The following RIPK1 variants were observed in gnomAD, a reference collection of about 807,000 sequenced individuals.
RIPK1 encodes receptor-interacting serine/threonine-protein kinase 1.
Under a neutral mutation model 62.4 loss-of-function variants are expected in RIPK1, and 27 were observed. That is an observed-to-expected ratio of 0.43 (90% CI 0.32 to 0.60). The LOEUF is 0.60. Ranked by LOEUF, RIPK1 falls within the 20% of genes least tolerant of loss-of-function variation. The pLI, the probability that RIPK1 is intolerant of heterozygous loss-of-function variation, is 0.07. For missense variants in RIPK1, 735 were observed against 831.0 expected (o/e 0.88, Z 1.42); for synonymous variants, 287 against 303.2 (o/e 0.95, Z 0.55).
At chr6:3,108,781 C>T (rs1406311395) in intron 9 of RIPK1, among the ~76,000 whole-genome samples, 1 of 152,108 alleles carries the variant, frequency 6.6e-6, no homozygotes, top group African/African-American at 2.4e-5. Flanking sequence ...TCACGAACAC[C>T]CTGAATTGCA....
Position 3,098,494 on chromosome 6 carries a change from G to A in RIPK1, c.916-5731G>A, listed in dbSNP as rs921859841. 4.6e-5 allele frequency among the ~76,000 whole-genome samples: 7 copies of A among 152,202 alleles called. No individual in the cohort carries two copies. In the East Asian group the frequency reaches 1.3e-3, roughly 29 times the overall value. ...AACATGAAATAAATCCAAATAAACA[G>A]TGAAATGTGTTTATGGATGGAAAGA... On this transcript the variant is annotated intron_variant, in intron 7 of 10. Transcript: ENST00000259808.
rs1226623331 is a variant in RIPK1 at position 3,113,015 on chromosome 6, T to C, written c.1730-38T>C. ...CAGGAAGCTGGAATGTTTGAATGGG[T>C]TTTAGCTTGATACCTTCTTCTTTTT... is the stretch of plus-strand genomic sequence containing the variant. On this transcript the variant is annotated intron_variant, in intron 10 of 10. Transcript: ENST00000259808. This position sits in a 1 kb window ranked among gnomAD's most constrained non-coding sequence, Gnocchi z 5.0. 2.0e-6 allele frequency: 3 copies of C among 1,502,270 alleles called. No homozygotes were observed. Among genetic ancestry groups the C allele is most frequent in the Non-Finnish European group, 1.8e-6 (2 of 1,123,010 alleles). 93.1% of individuals were successfully genotyped at this position (1,502,270 alleles called of 1,614,324 possible).
intron 9 of RIPK1, 59 bp from the exon 10 acceptor site, chr6:3,110,744 T>C (rs1761112779): frequency 9.0e-7 from 1 of 1,111,560 alleles, no homozygotes; most frequent in Non-Finnish European, 1.3e-6. Context: ...TGCCATGCTG[T>C]ATTTTTTTCT....
Position 3,068,532 on chromosome 6 carries a change from G to A in RIPK1, c.-190G>A, listed in dbSNP as rs1758499389. 1.6e-5 allele frequency: 16 copies of A among 984,906 alleles called. No homozygotes were observed. Among genetic ancestry groups the A allele is most frequent in the Non-Finnish European group, 1.9e-5 (16 of 829,524 alleles). 61.0% of individuals were successfully genotyped at this position (984,906 alleles called of 1,614,324 possible). ...CAGCCGGGCGCGCTCGACGCGGACGGCGGGCCAGCTGCCGGAGCGCGGCGA... is the reference window on the plus strand; with the variant it reads ...CAGCCGGGCGCGCTCGACGCGGACGACGGGCCAGCTGCCGGAGCGCGGCGA... On this transcript the variant is annotated 5_prime_UTR_variant, in exon 1 of 11. Transcript: ENST00000259808.
intron 7 of RIPK1, among the ~76,000 whole-genome samples, chr6:3,100,807 G>A (rs1196209398): frequency 6.6e-6 from 1 of 151,896 alleles, no homozygotes; most frequent in Non-Finnish European, 1.5e-5. Context: ...TGGCCAGGCT[G>A]GTCTTGAACT....
rs752183065 is a variant in RIPK1, at chr6:3,113,167, T to C, written c.1844T>C (p.Ile615Thr). The C allele has an allele frequency of 5.0e-6, 8 of 1,613,998 alleles. No homozygotes were observed. The highest frequency in any genetic ancestry group is 6.8e-6 in the Non-Finnish European group (8 of 1,179,958). ...LGFTQSQIDE[I>T]DHDYERDGLK... ...TTCACACAGTCTCAGATTGATGAAA[T>C]TGACCATGACTATGAGCGAGATGGA... Residue 615 changes from isoleucine to threonine, a missense_variant, in exon 11 of 11, where the codon ATT (isoleucine) becomes ACT (threonine). Physicochemically the swap from Ile to Thr is moderately conservative, Grantham distance 89. Around this residue, in one of 2 missense-constraint regions of RIPK1, gnomAD observed 64 missense variants for 104.8 expected, o/e 0.61. Coordinates refer to ENST00000259808, the MANE Select transcript of RIPK1 (RefSeq NM_001354930.2). The surrounding 1 kb of genome is among the most constrained non-coding windows in gnomAD (Gnocchi z 5.0).
intron 1 of RIPK1, among the ~76,000 whole-genome samples, chr6:3,076,426 G>A (rs768412986): frequency 6.6e-6 from 1 of 151,984 alleles, no homozygotes; most frequent in African/African-American, 2.4e-5. Flanking sequence ...TCAGCACTTT[G>A]GGAGGCTGAG....
chr6:3,068,138 G>C, upstream of RIPK1: 1 of 878,748 alleles, frequency 1.1e-6, no homozygotes, highest in Non-Finnish European at 1.4e-6. Flanking sequence ...CATTTTAAAG[G>C]GCTGCAAAAT....
intron 7 of RIPK1, among the ~76,000 whole-genome samples, chr6:3,098,796 G>A (rs984749427): frequency 5.3e-5 from 8 of 152,376 alleles, no homozygotes; most frequent in South Asian, 2.1e-4. Flanking sequence ...CAAGGAAGGA[G>A]TGGGAAGCAG....
At chr6:3,097,703 C>T (rs1190331979) in intron 7 of RIPK1, among the ~76,000 whole-genome samples, 1 of 151,982 alleles carries the variant, frequency 6.6e-6, no homozygotes, top group African/African-American at 2.4e-5. Flanking sequence ...TATACAAAAG[C>T]ATTAGCTGTA....
intron 7 of RIPK1, among the ~76,000 whole-genome samples, chr6:3,096,704 C>T (rs28872890): frequency 2.7e-4 from 41 of 150,540 alleles, no homozygotes; most frequent in African/African-American, 9.6e-4. Flanking sequence ...GGACTACAGG[C>T]GCCCACCACC....
chr6:3,071,811 C>T (rs1055800375), intron 1 of RIPK1, among the ~76,000 whole-genome samples: 14 of 152,174 alleles, frequency 9.2e-5, no homozygotes, highest in Admixed American at 2.6e-4. Flanking sequence ...CAAACTCCAC[C>T]GCACACAGCA....
rs1758772493 is a variant in RIPK1 at position 3,072,415 on chromosome 6, CAA to C, written c.-61+3756_-61+3757del. On this transcript the variant is annotated intron_variant, in intron 1 of 10. Coordinates refer to ENST00000259808, the MANE Select transcript of RIPK1 (RefSeq NM_001354930.2). This position sits in a 1 kb window ranked among gnomAD's most constrained non-coding sequence, Gnocchi z 5.6. ...CATATATATATATATAAAACACACA[CAA>C]ATGTGAATATAATTTTTACAGATTT... is the stretch of plus-strand genomic sequence containing the variant. Among the ~76,000 whole-genome samples, 2 of 151,650 alleles carry C rather than the reference CAA, an allele frequency of 1.3e-5. No individual in the cohort carries two copies. The highest frequency in any genetic ancestry group is 2.9e-5 in the Non-Finnish European group (2 of 67,942).
intron 3 of RIPK1, among the ~76,000 whole-genome samples, chr6:3,078,781 C>T (rs560024235): frequency 6.6e-6 from 1 of 152,158 alleles, no homozygotes; most frequent in Non-Finnish European, 1.5e-5. Context: ...GATTTGAAAA[C>T]ATTTTTAAAA....
chr6:3,110,888 A>G lies in RIPK1; in HGVS notation c.1662A>G (p.Ser554=). The change falls in exon 10 of 11, where the codon TCA becomes TCG. Residue 554 remains serine, a synonymous_variant. Transcript: ENST00000259808. Reference sequence around the variant, plus strand: ...ATATGGAGATTGGTGGGACGAGTTCATCACTACTAGACAGCACAAATACGA... The same window carrying G: ...ATATGGAGATTGGTGGGACGAGTTCGTCACTACTAGACAGCACAAATACGA... The part of the protein sequence containing the change: ...YNYMEIGGTS[S]SLLDSTNTNF... 1 of 1,612,712 alleles carries G rather than the reference A, an allele frequency of 6.2e-7. No homozygotes were observed. The highest frequency in any genetic ancestry group is 8.5e-7 in the Non-Finnish European group (1 of 1,178,712).
intron 7 of RIPK1, among the ~76,000 whole-genome samples, chr6:3,089,960 TAGAA>T (rs1413322649): frequency 6.6e-6 from 1 of 152,154 alleles, no homozygotes; most frequent in South Asian, 2.1e-4. Flanking sequence ...TCTTGAAAGA[TAGAA>T]AGACCACAGA....
chr6:3,104,572 G>A (rs559203849), intron 8 of RIPK1, among the ~76,000 whole-genome samples: 90 of 152,294 alleles, frequency 5.9e-4, no homozygotes, highest in African/African-American at 2.1e-3. Flanking sequence ...TGACAGTTCA[G>A]AAGAAGGAAG....
At chr6:3,086,845 A>G (rs1269666321) in intron 6 of RIPK1, among the ~76,000 whole-genome samples, 2 of 152,228 alleles carry the variant, frequency 1.3e-5, no homozygotes, top group East Asian at 3.8e-4. Flanking sequence ...CTGGAAGTCA[A>G]AGGTGGAGCT....
upstream of RIPK1, chr6:3,068,333 G>GGCC (rs1326710586): frequency 1.5e-5 from 15 of 985,270 alleles, no homozygotes; most frequent in Non-Finnish European, 1.8e-5. Context: ...CTTTTACGTA[G>GGCC]GCCGCCCCAC....
Sources: allele counts gnomAD v4.1 joint callset (sites outside exome capture counted in the v4.1 genomes callset), GRCh38; gene constraint gnomAD v4.1.1; regional missense constraint gnomAD v4.1.1; non-coding constraint Gnocchi (gnomAD v3.1); transcripts MANE v1.5; gene names NCBI Gene and HGNC (gene_info 2026-07-23, HGNC 2026-07-21).